SAMD5: variants seen among roughly 807,000 people sequenced by gnomAD.
SAMD5 encodes the protein sterile alpha motif domain containing 5.
In SAMD5, 13 loss-of-function variants were observed where a neutral mutation model predicts 11.3. That is an observed-to-expected ratio of 1.15 (90% CI 0.75 to 1.83). The LOEUF (loss-of-function observed/expected upper bound fraction) is 1.83. Among genes scored for constraint, SAMD5 ranks in the 40% most tolerant of loss-of-function variants. The probability of loss-of-function intolerance (pLI) is 0.00; values close to 1 mark genes in which losing one functional copy is unlikely to be tolerated. For synonymous variants in SAMD5, 129 were observed against 111.3 expected (o/e 1.16, Z -1.00); for missense variants, 255 against 239.1 (o/e 1.07, Z -0.44).
chr6:147,845,707 C>CA, the SAMD5 span, among the ~76,000 whole-genome samples: 2,181 of 149,302 alleles, frequency 0.015, 50 homozygotes, highest in African/African-American at 0.051. Flanking sequence ...ATCAAAATGC[C>CA]AAAAAAAAAT....
chr6:147,886,431 G>C, the SAMD5 span, among the ~76,000 whole-genome samples: 1 of 151,886 alleles, frequency 6.6e-6, no homozygotes, highest in Admixed American at 6.6e-5. Context: ...ATGAAGAAGA[G>C]GAGAGAGAAA....
the SAMD5 span, among the ~76,000 whole-genome samples, chr6:147,881,290 T>C: frequency 6.6e-6 from 1 of 152,278 alleles, no homozygotes; most frequent in African/African-American, 2.4e-5. Flanking sequence ...ATTTCATTAT[T>C]TAGGGCTAAC....
the SAMD5 span, among the ~76,000 whole-genome samples, chr6:147,922,618 G>T: frequency 2.0e-5 from 3 of 152,174 alleles, no homozygotes; most frequent in Non-Finnish European, 2.9e-5. Context: ...TCCCCAATCA[G>T]TTCTGCTGTA....
chr6:147,859,177 A>G, the SAMD5 span, among the ~76,000 whole-genome samples: 1 of 152,070 alleles, frequency 6.6e-6, no homozygotes, highest in South Asian at 2.1e-4. Context: ...CATGTCCCCA[A>G]GTGGAGCCTC....
intron 1 of SAMD5, among the ~76,000 whole-genome samples, chr6:147,712,883 C>T (rs1791419345): frequency 6.6e-6 from 1 of 151,966 alleles, no homozygotes; most frequent in Admixed American, 6.5e-5. Flanking sequence ...AATAATCCTA[C>T]TCATACAAAA....
chr6:147,933,455 C>T, the SAMD5 span, among the ~76,000 whole-genome samples: 4 of 152,094 alleles, frequency 2.6e-5, no homozygotes, highest in African/African-American at 9.7e-5. Context: ...TGCTGACAAA[C>T]GTGTAGAGCT....
chr6:147,888,870 A>C, the SAMD5 span, among the ~76,000 whole-genome samples: 1 of 146,368 alleles, frequency 6.8e-6, no homozygotes, highest in Non-Finnish European at 1.5e-5. Context: ...GGGTGACAAG[A>C]ACAAAACTCC....
rs192587775 is a variant in SAMD5 at position 147,591,498 on chromosome 6, C to T, written c.162+82111C>T. Among the ~76,000 whole-genome samples the T allele has an allele frequency of 5.3e-3, 806 of 152,238 alleles. 4 individuals carry two copies. Among genetic ancestry groups the T allele is most frequent in the Middle Eastern group, 0.031 (9 of 294 alleles). On this transcript the variant is annotated intron_variant, in intron 1 of 1. Transcript: ENST00000566741. ...TTTCTTCCCACTTACATACTAAGAA[C>T]AGAGTTCACTAATGTGAAATCTGCT...
chr6:147,854,740 G>C, the SAMD5 span, among the ~76,000 whole-genome samples: 1 of 151,924 alleles, frequency 6.6e-6, no homozygotes, highest in Non-Finnish European at 1.5e-5. Context: ...TAATTCCTTG[G>C]TACTAAAGAA....
rs182390292 is a variant in SAMD5 at position 147,640,253 on chromosome 6, G to T, written c.163-97064G>T. Among the ~76,000 whole-genome samples, 101 of 151,748 alleles carry T rather than the reference G, an allele frequency of 6.7e-4. 1 individual carries two copies. The highest frequency in any genetic ancestry group is 2.2e-3 in the African/African-American group (92 of 41,354). ...AGGCAGGAGAATCGCTTGAACCCGGGAGGTGAAGGTTGCAGTGAGCTGAGA... is the reference window on the plus strand; with the variant it reads ...AGGCAGGAGAATCGCTTGAACCCGGTAGGTGAAGGTTGCAGTGAGCTGAGA... On this transcript the variant is annotated intron_variant, in intron 1 of 1. Transcript: ENST00000566741.
In SAMD5 at chr6:147,709,237, G is replaced by A. The variant is rs541913237; in HGVS notation, c.163-28080G>A. 7.2e-5 allele frequency among the ~76,000 whole-genome samples: 11 copies of A among 152,118 alleles called. No homozygotes were observed. In the South Asian group the frequency reaches 2.3e-3, roughly 32 times the overall value. ...ATTATAATTTTGAGTAATTTCTTAG[G>A]TGCCTGGATTTCTTATAAAAATGTC... On this transcript the variant is annotated intron_variant, in intron 1 of 1. Coordinates refer to the SAMD5 transcript ENST00000566741.
At chr6:147,795,761 A>G in the SAMD5 span, among the ~76,000 whole-genome samples, 2 of 149,166 alleles carry the variant, frequency 1.3e-5, no homozygotes, top group South Asian at 4.2e-4. Flanking sequence ...TGCCATTCTA[A>G]CTGGTGTGAG....
chr6:147,705,493 G>A (rs551343497), intron 1 of SAMD5, among the ~76,000 whole-genome samples: 2 of 151,878 alleles, frequency 1.3e-5, no homozygotes, highest in South Asian at 2.1e-4. Flanking sequence ...GTTTTTTTAA[G>A]ATACAAAAGA....
At chr6:147,954,642 C>CTT in the SAMD5 span, among the ~76,000 whole-genome samples, 83 of 137,274 alleles carry the variant, frequency 6.0e-4, 1 homozygote, top group African/African-American at 2.0e-3. Flanking sequence ...TTTTTAACCT[C>CTT]TTTTTTTTTT....
the SAMD5 span, among the ~76,000 whole-genome samples, chr6:147,911,418 C>T: frequency 2.0e-5 from 3 of 152,134 alleles, no homozygotes; most frequent in African/African-American, 4.8e-5. Context: ...ACTGAAGATT[C>T]GGCTCCTCTT....
chr6:147,740,239 ATAAG>A (rs1253390447), downstream of SAMD5, among the ~76,000 whole-genome samples: 2 of 152,216 alleles, frequency 1.3e-5, no homozygotes, highest in African/African-American at 4.8e-5. Flanking sequence ...CCTCTTTAAA[ATAAG>A]TAAGCTACCC....
At chr6:147,692,464 T>C (rs1791117603) in intron 1 of SAMD5, 1 of 152,166 alleles carries the variant, frequency 6.6e-6, no homozygotes, top group Admixed American at 6.5e-5. Context: ...CAGAAAGGGG[T>C]CTGTCCTGCG....
chr6:147,880,213 C>T, the SAMD5 span, among the ~76,000 whole-genome samples: 2 of 152,132 alleles, frequency 1.3e-5, no homozygotes, highest in African/African-American at 4.8e-5. Context: ...AGGTAAAGTT[C>T]CAACGACTTT....
At chr6:147,857,112 A>G in the SAMD5 span, among the ~76,000 whole-genome samples, 3 of 151,804 alleles carry the variant, frequency 2.0e-5, no homozygotes, top group African/African-American at 7.3e-5. Context: ...CAACCACTGT[A>G]GAGAACAAGA....
Sources: gnomAD v4.1 joint callset for allele counts (sites outside exome capture counted in the v4.1 genomes callset) on GRCh38, gnomAD v4.1.1 for gene constraint, MANE v1.5 for transcripts, NCBI Gene and HGNC (gene_info 2026-07-23, HGNC 2026-07-21) for gene names.